The following ZBTB40 variants were observed in gnomAD, a reference collection of about 807,000 sequenced individuals.
The protein encoded by ZBTB40 is zinc finger and BTB domain-containing protein 40.
A neutral mutation model predicts 117.5 loss-of-function variants in ZBTB40; 60 were observed. The observed-to-expected ratio is 0.51, with a 90% CI of 0.41 to 0.63. The LOEUF is 0.63. Among genes scored for constraint, ZBTB40 ranks in the 30% least tolerant of loss-of-function variants. The pLI, the probability that ZBTB40 is intolerant of heterozygous loss-of-function variation, is 0.00. For missense variants in ZBTB40, 1,287 were observed against 1,498.5 expected (o/e 0.86, Z 2.33); for synonymous variants, 525 against 577.1 (o/e 0.91, Z 1.29).
At chr1:22,429,379 T>C (rs1640547183) in intron 1 of ZBTB40, among the ~76,000 whole-genome samples, 1 of 148,800 alleles carries the variant, frequency 6.7e-6, no homozygotes. Flanking sequence ...AGACTCCGCC[T>C]CAAAAAAAAA....
intron 1 of ZBTB40, among the ~76,000 whole-genome samples, chr1:22,452,402 C>A (rs1339905943): frequency 6.6e-6 from 1 of 152,246 alleles, no homozygotes; most frequent in Non-Finnish European, 1.5e-5. Context: ...CCATGCCCCC[C>A]TTCTCTCTTC....
chr1:22,438,084 C>T (rs1194995419), intron 1 of ZBTB40, among the ~76,000 whole-genome samples: 1 of 151,984 alleles, frequency 6.6e-6, no homozygotes, highest in Admixed American at 6.5e-5. Context: ...GAGCCGAGAT[C>T]GCACCACTGT....
intron 1 of ZBTB40, among the ~76,000 whole-genome samples, chr1:22,436,681 G>A (rs1206257455): frequency 6.6e-6 from 1 of 151,994 alleles, no homozygotes; most frequent in Non-Finnish European, 1.5e-5. Context: ...ACTGATAAAT[G>A]TAACAATATG....
intron 1 of ZBTB40, among the ~76,000 whole-genome samples, chr1:22,455,777 C>A: frequency 6.6e-6 from 1 of 151,914 alleles, no homozygotes; most frequent in Non-Finnish European, 1.5e-5. Flanking sequence ...CCCCGGAAAA[C>A]GAGCCACACT....
At chr1:22,447,759 G>A (rs1259488262), upstream of ZBTB40, among the ~76,000 whole-genome samples, 1 of 152,182 alleles carries the variant, frequency 6.6e-6, no homozygotes, top group East Asian at 1.9e-4. Context: ...GGATAAGCAG[G>A]CAGGCAGTTG....
At chr1:22,511,434 T>A in intron 10 of ZBTB40, 87 bp downstream of exon 10, 6 of 1,553,348 alleles carry the variant, frequency 3.9e-6, no homozygotes, top group Non-Finnish European at 5.3e-6. Flanking sequence ...ATATCATAGT[T>A]TATCACAACC....
intron 1 of ZBTB40, among the ~76,000 whole-genome samples, chr1:22,456,644 C>G (rs966608452): frequency 1.3e-5 from 2 of 152,236 alleles, no homozygotes; most frequent in Non-Finnish European, 2.9e-5. Flanking sequence ...AAACCAGGTA[C>G]TGTTTCACTG....
intron 1 of ZBTB40, among the ~76,000 whole-genome samples, chr1:22,462,317 G>A (rs2124390994): frequency 6.6e-6 from 1 of 152,250 alleles, no homozygotes; most frequent in East Asian, 1.9e-4. Flanking sequence ...TTTGGGGCAG[G>A]TCATTTAATC....
At chr1:22,438,879 A>T (rs1233370697) in intron 1 of ZBTB40, among the ~76,000 whole-genome samples, 1 of 151,552 alleles carries the variant, frequency 6.6e-6, no homozygotes, top group South Asian at 2.1e-4. Context: ...TTATTTATTT[A>T]TTTTTTGAGA....
intron 1 of ZBTB40, among the ~76,000 whole-genome samples, chr1:22,443,734 A>G (rs1188429261): frequency 2.0e-5 from 3 of 152,226 alleles, no homozygotes; most frequent in African/African-American, 7.2e-5. Context: ...CCATTTCAAA[A>G]TATGTCAAAG....
chr1:22,439,547 C>A (rs927934148), intron 1 of ZBTB40, among the ~76,000 whole-genome samples: 6 of 152,136 alleles, frequency 3.9e-5, no homozygotes, highest in Admixed American at 6.5e-5. Flanking sequence ...CAACTTTATT[C>A]TTTCATATGT....
chr1:22,491,611 G>T, intron 3 of ZBTB40, 78 bp downstream of exon 3: 1 of 1,450,438 alleles, frequency 6.9e-7, no homozygotes, highest in Non-Finnish European at 9.6e-7. Context: ...ATATGGGGCA[G>T]AAATAGCCCA....
At chr1:22,498,864 A>G (rs1638851259) in intron 3 of ZBTB40, among the ~76,000 whole-genome samples, 1 of 152,126 alleles carries the variant, frequency 6.6e-6, no homozygotes, top group Admixed American at 6.5e-5. Flanking sequence ...AAAGGCAGGC[A>G]GGAAGGAAAG....
Position 22,490,586 on chromosome 1 carries a change from G to A in ZBTB40, c.638G>A (p.Cys213Tyr), listed in dbSNP as rs780360733. ...GAGACTCCTACTACAGCTGAAGCTT[G>A]TTCCCCCTCCCCTGCTGTGCAAACC... Reference protein sequence around the residue: ...PAETPTTAEACSPSPAVQTFS... With the variant: ...PAETPTTAEAYSPSPAVQTFS... The change falls in exon 2 of 18, where the codon TGT (cysteine) becomes TAT (tyrosine). Residue 213 changes from cysteine (C) to tyrosine (Y), a missense_variant. Coordinates refer to ENST00000375647, the MANE Select transcript of ZBTB40 (RefSeq NM_014870.4). 2 of 1,613,970 alleles carry A rather than the reference G, an allele frequency of 1.2e-6. No individual in the cohort carries two copies. Among genetic ancestry groups the A allele is most frequent in the Non-Finnish European group, 8.5e-7 (1 of 1,180,056 alleles).
At chr1:22,493,431 TTCTC>T (rs147065838) in intron 3 of ZBTB40, among the ~76,000 whole-genome samples, 1 of 151,904 alleles carries the variant, frequency 6.6e-6, no homozygotes, top group South Asian at 2.1e-4. Context: ...CGGCCTCTAC[TTCTC>T]TCTCTCTCTG....
chr1:22,471,825 C>T (rs1180790636), intron 1 of ZBTB40, among the ~76,000 whole-genome samples: 2 of 152,212 alleles, frequency 1.3e-5, no homozygotes, highest in African/African-American at 2.4e-5. Context: ...ATACTCACAG[C>T]CTGGAAGCTG....
intron 1 of ZBTB40, among the ~76,000 whole-genome samples, chr1:22,473,955 G>A (rs529812857): frequency 9.6e-4 from 146 of 152,234 alleles, no homozygotes; most frequent in African/African-American, 3.3e-3. Context: ...TCTGTAAAAC[G>A]AGGATAAGTG....
intron 9 of ZBTB40, among the ~76,000 whole-genome samples, chr1:22,510,511 T>C (rs1639202919): frequency 6.6e-6 from 1 of 152,218 alleles, no homozygotes; most frequent in Non-Finnish European, 1.5e-5. Flanking sequence ...TCTTCCAAAA[T>C]GAAAATTCCG....
rs764705011 is a variant in ZBTB40, at chr1:22,511,968, G to A, written c.2295G>A (p.Gln765=). The A allele has an allele frequency of 1.3e-5, 21 of 1,614,080 alleles. No individual in the cohort carries two copies. Among genetic ancestry groups the A allele is most frequent in the Non-Finnish European group, 1.7e-5 (20 of 1,180,050 alleles). The stretch of plus-strand genomic sequence containing the variant: ...GCTGCCGGGTGGCTAAGAGCAAACA[G>A]GTGCAGTGTAAGGAGTGCAGTGAGA... The part of the protein sequence containing the change: ...MKRCRVAKSK[Q]VQCKECSETK... The change falls in exon 11 of 18, where the codon CAG becomes CAA. Residue 765 remains glutamine (Q), a synonymous_variant. Transcript: ENST00000375647.
Sources: gnomAD v4.1 joint callset for allele counts (sites outside exome capture counted in the v4.1 genomes callset) on GRCh38, gnomAD v4.1.1 for gene constraint, MANE v1.5 for transcripts, NCBI Gene and HGNC (gene_info 2026-07-23, HGNC 2026-07-21) for gene names.